Variants in SOX5 observed in about 807,000 individuals in gnomAD.
SOX5 encodes SRY-box transcription factor 5.
SOX5 carries 9 observed loss-of-function variants against 92.0 expected under a neutral mutation model. The ratio of observed to expected loss-of-function variants is 0.10; its 90% CI spans 0.06 to 0.17. The LOEUF (loss-of-function observed/expected upper bound fraction) is 0.17. Among genes scored for constraint, SOX5 ranks in the 10% least tolerant of loss-of-function variants. The pLI is 1.00. For synonymous variants in SOX5, 344 were observed against 336.3 expected (o/e 1.02, Z -0.25); for missense variants, 642 against 944.5 (o/e 0.68, Z 4.20).
At chr12:23,941,852 A>G (rs879723746) in intron 1 of SOX5, among the ~76,000 whole-genome samples, 15 of 151,614 alleles carry the variant, frequency 9.9e-5, no homozygotes, top group Non-Finnish European at 1.6e-4. Context: ...TACAGATAAG[A>G]AAAAAGGAAG....
At chr12:23,847,866 G>A (rs565732837) in intron 2 of SOX5, among the ~76,000 whole-genome samples, 3 of 151,850 alleles carry the variant, frequency 2.0e-5, no homozygotes, top group African/African-American at 2.4e-5. Flanking sequence ...ACAAACTCCC[G>A]CACGTTAAGT....
chr12:24,262,728 A>T (rs936237469), intron 3 of SOX5, among the ~76,000 whole-genome samples: 1 of 152,110 alleles, frequency 6.6e-6, no homozygotes, highest in Non-Finnish European at 1.5e-5. Flanking sequence ...GGACTCTAAC[A>T]TTTTTGAAGA....
chr12:23,876,645 T>C (rs1257330554), intron 2 of SOX5, among the ~76,000 whole-genome samples: 1 of 152,222 alleles, frequency 6.6e-6, no homozygotes, highest in African/African-American at 2.4e-5. Context: ...CATTACTGGG[T>C]ATATACCCAA....
rs1442527233 is a variant in SOX5, at chr12:23,825,029, C to T, written c.481+20954G>A. 3.3e-5 allele frequency among the ~76,000 whole-genome samples: 5 copies of T among 152,278 alleles called. No homozygotes were observed. The East Asian group carries it at 9.7e-4, about 30-fold the overall frequency. Reference sequence around the variant, plus strand: ...CAGTGGATCTTGGCTTGCTGGGCTCCATGGGGGTGGGATCTGCTGGGCTGG... The same window carrying T: ...CAGTGGATCTTGGCTTGCTGGGCTCTATGGGGGTGGGATCTGCTGGGCTGG... On this transcript the variant is annotated intron_variant, in intron 3 of 14. Transcript: ENST00000451604.
chr12:24,428,078 A>G (rs558211276), intron 1 of SOX5, among the ~76,000 whole-genome samples: 95 of 152,206 alleles, frequency 6.2e-4, no homozygotes, highest in African/African-American at 2.3e-3. Flanking sequence ...TTCATCTTTC[A>G]GCTTTTTTAA....
intron 3 of SOX5, among the ~76,000 whole-genome samples, chr12:24,244,010 C>T (rs17412555): frequency 0.13 from 18,587 of 146,132 alleles, 1,580 homozygotes; most frequent in Non-Finnish European, 0.18. Flanking sequence ...CCACTGATCA[C>T]GTTAGGAAGA....
intron 3 of SOX5, among the ~76,000 whole-genome samples, chr12:23,766,897 T>A (rs2094748357): frequency 6.6e-6 from 1 of 152,136 alleles, no homozygotes; most frequent in Non-Finnish European, 1.5e-5. Flanking sequence ...ATCAAAGATT[T>A]TGCATAACTC....
Position 23,533,201 on chromosome 12 carries a change from T to G in SOX5, c.*1018A>C, listed in dbSNP as rs1200130790. ...TTTCATCCCCAGATGTGGGTTTAAC[T>G]CACAATGGTCCAACGTTATTCCTAT... is the stretch of plus-strand genomic sequence containing the variant. On this transcript the variant is annotated 3_prime_UTR_variant, in exon 15 of 15. Coordinates refer to ENST00000451604, the MANE Select transcript of SOX5 (RefSeq NM_006940.6). 2.2e-6 allele frequency: 1 copy of G among 456,434 alleles called. No homozygotes were observed. The highest frequency in any genetic ancestry group is 1.5e-5 in the South Asian group (1 of 64,536). 28.3% of individuals were successfully genotyped at this position (456,434 alleles called of 1,614,324 possible). A position where few individuals can be genotyped will look rare whatever the true frequency, so the allele number is the denominator to read the frequency against.
chr12:23,707,942 TCTTTTC>T (rs1460040774), intron 6 of SOX5, among the ~76,000 whole-genome samples: 1 of 152,120 alleles, frequency 6.6e-6, no homozygotes, highest in Non-Finnish European at 1.5e-5. Flanking sequence ...GATTTTTAAT[TCTTTTC>T]AACTGATGCC....
At chr12:23,632,236 A>AGG (rs2078637931) in intron 8 of SOX5, 1 of 152,140 alleles carries the variant, frequency 6.6e-6, no homozygotes, top group Non-Finnish European at 1.5e-5. Flanking sequence ...GAAGGAATTC[A>AGG]GTCTTTTAAC....
intron 4 of SOX5, among the ~76,000 whole-genome samples, chr12:24,112,923 T>C (rs568334305): frequency 1.8e-4 from 28 of 152,022 alleles, no homozygotes; most frequent in African/African-American, 6.3e-4. Context: ...TTTCAATATG[T>C]GGAAGTTTAT....
At chr12:24,464,632 C>T (rs1944026441) in intron 1 of SOX5, among the ~76,000 whole-genome samples, 1 of 152,192 alleles carries the variant, frequency 6.6e-6, no homozygotes, top group African/African-American at 2.4e-5. Flanking sequence ...TGAGCCACCG[C>T]ACCCGGTCTT....
intron 3 of SOX5, among the ~76,000 whole-genome samples, chr12:23,793,838 T>C (rs1055366787): frequency 6.6e-6 from 1 of 152,200 alleles, no homozygotes; most frequent in African/African-American, 2.4e-5. Context: ...GGTAGCACAC[T>C]GTCAACTCTT....
chr12:23,782,354 A>G lies in SOX5; in HGVS notation c.482-26630T>C, dbSNP rs371098647. Reference sequence around the variant, plus strand: ...AATACAATTACCTAATAAAGAGATAATAAATCTCAGGATCAAGACATAATA... The same window carrying G: ...AATACAATTACCTAATAAAGAGATAGTAAATCTCAGGATCAAGACATAATA... On this transcript the variant is annotated intron_variant, in intron 3 of 14. Transcript: ENST00000451604. Among the ~76,000 whole-genome samples, 6 of 152,290 alleles carry G rather than the reference A, an allele frequency of 3.9e-5. No individual in the cohort carries two copies. The East Asian group carries it at 1.2e-3, about 29-fold the overall frequency.
chr12:23,979,701 T>G (rs1157733233), intron 4 of SOX5, among the ~76,000 whole-genome samples: 1 of 80,686 alleles, frequency 1.2e-5, no homozygotes, highest in African/African-American at 4.8e-5. Context: ...TATATATGTT[T>G]TTTTTGTTTT....
intron 4 of SOX5, among the ~76,000 whole-genome samples, chr12:23,745,928 G>A (rs983827031): frequency 6.6e-6 from 1 of 152,142 alleles, no homozygotes; most frequent in Admixed American, 6.6e-5. Flanking sequence ...AATAGCATAT[G>A]TATTGCATAT....
At chr12:24,386,167 G>C (rs1433124992) in intron 1 of SOX5, among the ~76,000 whole-genome samples, 1 of 152,020 alleles carries the variant, frequency 6.6e-6, no homozygotes, top group Non-Finnish European at 1.5e-5. Flanking sequence ...ATTATATGCT[G>C]TTTCACTTAG....
chr12:23,610,259 G>A (rs2075785853), intron 8 of SOX5, among the ~76,000 whole-genome samples: 1 of 152,050 alleles, frequency 6.6e-6, no homozygotes, highest in Non-Finnish European at 1.5e-5. Context: ...CCTAGAGGTG[G>A]TAAATTCTTG....
chr12:23,570,553 G>A (rs12299803), intron 10 of SOX5, among the ~76,000 whole-genome samples: 49,194 of 151,508 alleles, frequency 0.32, 8,340 homozygotes, highest in Non-Finnish European at 0.38. Flanking sequence ...TGACGTGGGC[G>A]AATCCCTTGA....
Sources: gnomAD v4.1 joint callset for allele counts (sites outside exome capture counted in the v4.1 genomes callset) on GRCh38, gnomAD v4.1.1 for gene constraint, MANE v1.5 for transcripts, NCBI Gene and HGNC (gene_info 2026-07-23, HGNC 2026-07-21) for gene names.